Variants in RALGAPA2 observed in about 807,000 individuals in gnomAD.
The protein encoded by RALGAPA2 is ral GTPase-activating protein subunit alpha-2.
A neutral mutation model predicts 230.4 loss-of-function variants in RALGAPA2; 139 were observed. The observed-to-expected ratio is 0.60, with a 90% CI of 0.53 to 0.69. The LOEUF is 0.69. RALGAPA2 is among the 30% of genes least tolerant of loss of function. RALGAPA2 has a pLI of 0.00. For missense variants in RALGAPA2, 2,163 were observed against 2,276.0 expected (o/e 0.95, Z 1.01); for synonymous variants, 847 against 837.8 (o/e 1.01, Z -0.19).
chr20:20,640,008 A>G, intron 6 of RALGAPA2, 108 bp from the exon 7 acceptor site: 1 of 801,802 alleles, frequency 1.2e-6, no homozygotes, highest in Non-Finnish European at 2.1e-6. Context: ...CATCCACTGA[A>G]GCAGCTCACA....
chr20:20,666,896 A>G (rs2146715995), intron 3 of RALGAPA2, among the ~76,000 whole-genome samples: 1 of 152,022 alleles, frequency 6.6e-6, no homozygotes, highest in Admixed American at 6.6e-5. Flanking sequence ...TCACAAAAGA[A>G]GAGGAGGAGG....
At chr20:20,492,206 GT>G (rs1012793330) in intron 36 of RALGAPA2, among the ~76,000 whole-genome samples, 11 of 151,276 alleles carry the variant, frequency 7.3e-5, no homozygotes, top group East Asian at 1.9e-4. Flanking sequence ...TACTGATGAG[GT>G]TTTTTTTTCT....
intron 35 of RALGAPA2, among the ~76,000 whole-genome samples, chr20:20,499,966 A>G (rs999557158): frequency 6.6e-6 from 1 of 152,248 alleles, no homozygotes; most frequent in Admixed American, 6.5e-5. Flanking sequence ...TTTTGTGTGC[A>G]CTGGGAAAGC....
intron 18 of RALGAPA2, among the ~76,000 whole-genome samples, chr20:20,587,545 T>G (rs1163452068): frequency 6.6e-6 from 1 of 152,126 alleles, no homozygotes; most frequent in Non-Finnish European, 1.5e-5. Flanking sequence ...GACTTAAATT[T>G]GTAGAGCAAA....
chr20:20,676,091 G>T, intron 3 of RALGAPA2, 145 bp downstream of exon 3: 1 of 565,796 alleles, frequency 1.8e-6, no homozygotes. Flanking sequence ...GTTTGTAAAA[G>T]TGGGAGGGTG....
intron 4 of RALGAPA2, among the ~76,000 whole-genome samples, chr20:20,653,195 C>CAAAAAAAAAAAAAAAAAAAAA (rs60906434): frequency 1.1e-4 from 3 of 27,528 alleles, no homozygotes; most frequent in Non-Finnish European, 1.5e-4. Context: ...GACTCCATCT[C>CAAAAAAAAAAAAAAAAAAAAA]AAAAAAAAAA....
intron 36 of RALGAPA2, among the ~76,000 whole-genome samples, chr20:20,478,402 A>G (rs2061697378): frequency 6.6e-6 from 1 of 152,162 alleles, no homozygotes; most frequent in African/African-American, 2.4e-5. Flanking sequence ...GAAGGAAAGA[A>G]CTAATAAAGA....
At chr20:20,589,950 T>C (rs944533521) in intron 17 of RALGAPA2, among the ~76,000 whole-genome samples, 1 of 151,806 alleles carries the variant, frequency 6.6e-6, no homozygotes, top group Admixed American at 6.6e-5. Context: ...ATGGAAAATC[T>C]AAATAGTCCT....
chr20:20,572,040 G>T, intron 21 of RALGAPA2, 94 bp from the exon 22 acceptor site: 2 of 801,592 alleles, frequency 2.5e-6, no homozygotes, highest in Non-Finnish European at 4.1e-6. Context: ...GCTGCTTTCA[G>T]TTAATTTCTA....
chr20:20,526,696 T>C (rs2063214381), intron 27 of RALGAPA2, among the ~76,000 whole-genome samples: 1 of 152,244 alleles, frequency 6.6e-6, no homozygotes, highest in Non-Finnish European at 1.5e-5. Flanking sequence ...AAAATTAAAA[T>C]GTACCCCCAT....
chr20:20,684,434 G>C (rs922121623), intron 1 of RALGAPA2, among the ~76,000 whole-genome samples: 4 of 152,160 alleles, frequency 2.6e-5, no homozygotes, highest in Non-Finnish European at 5.9e-5. Flanking sequence ...GCATGTTTAA[G>C]GATCCCTCTT....
intron 9 of RALGAPA2, among the ~76,000 whole-genome samples, chr20:20,633,760 G>A (rs1211525524): frequency 1.3e-5 from 2 of 152,208 alleles, no homozygotes; most frequent in East Asian, 3.8e-4. Flanking sequence ...ATACAGGTGT[G>A]AGCCACCGTG....
At chr20:20,664,822 C>T (rs1354761847) in intron 3 of RALGAPA2, among the ~76,000 whole-genome samples, 2 of 152,184 alleles carry the variant, frequency 1.3e-5, no homozygotes, top group Non-Finnish European at 2.9e-5. Context: ...ACTCCTGCCT[C>T]AGCACAATTA....
chr20:20,534,163 G>A (rs2063438702), intron 26 of RALGAPA2, among the ~76,000 whole-genome samples: 1 of 152,140 alleles, frequency 6.6e-6, no homozygotes, highest in African/African-American at 2.4e-5. Flanking sequence ...TAATAGAGAT[G>A]GCTGGGCGCA....
chr20:20,546,020 T>A (rs1308797146), intron 24 of RALGAPA2, among the ~76,000 whole-genome samples: 4 of 152,176 alleles, frequency 2.6e-5, no homozygotes, highest in African/African-American at 7.2e-5. Flanking sequence ...GAGCTAGGCA[T>A]GACAGCACCA....
chr20:20,579,730 C>A (rs1267023554), intron 20 of RALGAPA2, among the ~76,000 whole-genome samples: 1 of 152,120 alleles, frequency 6.6e-6, no homozygotes, highest in Non-Finnish European at 1.5e-5. Flanking sequence ...CCCTCTGAAA[C>A]TGACTTTGGA....
chr20:20,648,152 CAGAAATT>C (rs2067278933), intron 4 of RALGAPA2, among the ~76,000 whole-genome samples: 1 of 152,136 alleles, frequency 6.6e-6, no homozygotes, highest in Non-Finnish European at 1.5e-5. Flanking sequence ...CTGTACTACT[CAGAAATT>C]AGAAGGAATG....
intron 38 of RALGAPA2, among the ~76,000 whole-genome samples, chr20:20,399,811 G>A (rs1680291704): frequency 6.6e-6 from 1 of 152,224 alleles, no homozygotes; most frequent in Admixed American, 6.5e-5. Context: ...TTTGAACCAA[G>A]CTTCTTGCCT....
intron 37 of RALGAPA2, among the ~76,000 whole-genome samples, chr20:20,425,676 T>A (rs2060367805): frequency 6.6e-6 from 1 of 152,100 alleles, no homozygotes; most frequent in Admixed American, 6.6e-5. Flanking sequence ...ACTGCTTGAG[T>A]GGTACGCTGG....
Sources: allele counts gnomAD v4.1 joint callset (sites outside exome capture counted in the v4.1 genomes callset), GRCh38; gene constraint gnomAD v4.1.1; transcripts MANE v1.5; gene names NCBI Gene and HGNC (gene_info 2026-07-23, HGNC 2026-07-21).